SYNE2: variants seen among roughly 807,000 people sequenced by gnomAD.
SYNE2 encodes the protein spectrin repeat containing nuclear envelope protein 2, also known as nesprin-2.
A neutral mutation model predicts 856.3 loss-of-function variants in SYNE2; 431 were observed. The ratio of observed to expected loss-of-function variants is 0.50; its 90% confidence interval spans 0.47 to 0.55. SYNE2 has a LOEUF of 0.55. SYNE2 is among the 20% of genes least tolerant of loss of function. The pLI, the probability that SYNE2 is intolerant of heterozygous loss-of-function variation, is 0.00. For missense variants in SYNE2, 8,129 were observed against 8,023.2 expected (o/e 1.01, Z -0.50); for synonymous variants, 2,923 against 2,872.3 (o/e 1.02, Z -0.56).
At chr14:63,775,697 C>T (rs558058318) in intron 1 of SYNE2, among the ~76,000 whole-genome samples, 1 of 152,296 alleles carries the variant, frequency 6.6e-6, no homozygotes, top group African/African-American at 2.4e-5. Context: ...CCTCCCGCCT[C>T]AGCCTCCAAA....
At chr14:64,134,417 C>T (rs909731043) in intron 78 of SYNE2, among the ~76,000 whole-genome samples, 1 of 152,116 alleles carries the variant, frequency 6.6e-6, no homozygotes, top group Non-Finnish European at 1.5e-5. Context: ...TTGCTTGAGT[C>T]GTGGCTCCAT....
intron 111 of SYNE2, among the ~76,000 whole-genome samples, 199 bp from the exon 112 acceptor site, chr14:64,221,377 A>G: frequency 6.6e-6 from 1 of 152,192 alleles, no homozygotes. Flanking sequence ...GCCTCCTGGC[A>G]CTGTGCTGAG....
At position 63,986,339 on chromosome 14, in the gene SYNE2, A is replaced by T. The variant is rs1050602840; in HGVS notation, c.2152-117A>T. ...GGTCACAAACTCCTAGCCTCAAGCA[A>T]TCCTCCTGCCCTGGCCTCCTAAAGA... On this transcript the variant is annotated intron_variant, in intron 18 of 115. Transcript: ENST00000555002. 2.8e-6 allele frequency: 3 copies of T among 1,083,240 alleles called. No homozygotes were observed. In the African/African-American group the frequency reaches 4.7e-5, roughly 17 times the overall value. 67.1% of individuals were successfully genotyped at this position (1,083,240 alleles called of 1,614,324 possible).
chr14:64,110,588 A>AACC (rs2097797632), intron 65 of SYNE2, among the ~76,000 whole-genome samples: 11 of 75,388 alleles, frequency 1.5e-4, no homozygotes, highest in East Asian at 1.2e-3. Context: ...TACTTTTTAC[A>AACC]CCCCCCCCCC....
chr14:64,185,735 G>C (rs1274154943), intron 96 of SYNE2, among the ~76,000 whole-genome samples: 1 of 151,952 alleles, frequency 6.6e-6, no homozygotes, highest in Non-Finnish European at 1.5e-5. Context: ...TGGCCAGGCT[G>C]GTCTTGAACT....
At chr14:63,774,620 C>A (rs8022942) in intron 1 of SYNE2, among the ~76,000 whole-genome samples, 1 of 151,514 alleles carries the variant, frequency 6.6e-6, no homozygotes, top group Non-Finnish European at 1.5e-5. Flanking sequence ...CTGCAGCCCC[C>A]ATGTCCCAGG....
intron 84 of SYNE2, among the ~76,000 whole-genome samples, chr14:64,148,773 A>G (rs147277121): frequency 4.9e-4 from 75 of 152,262 alleles, no homozygotes; most frequent in Non-Finnish European, 7.5e-4. Flanking sequence ...CACCCCATGT[A>G]GCATCATGTG....
chr14:64,208,165 G>T (rs1276562814), intron 100 of SYNE2: 1 of 456,022 alleles, frequency 2.2e-6, no homozygotes, highest in Admixed American at 2.3e-5. Flanking sequence ...CACAGCTTTG[G>T]CTGGACTTTA....
At chr14:64,060,704 C>T (rs551535498) in intron 49 of SYNE2, among the ~76,000 whole-genome samples, 1 of 152,166 alleles carries the variant, frequency 6.6e-6, no homozygotes, top group African/African-American at 2.4e-5. Context: ...GATTGTAGCA[C>T]AGCACTAGGA....
At position 64,175,149 on chromosome 14, in the gene SYNE2, CACTT is replaced by C. The variant is rs997161564; in HGVS notation, c.17430+16_17430+19del. Reference sequence around the variant, plus strand: ...CAGAGCACTGTAGAGGTAAACTCACCACTTACTTTTCCATTCATGATATTCAAAT... The same window carrying C: ...CAGAGCACTGTAGAGGTAAACTCACCACTTTTCCATTCATGATATTCAAAT... On this transcript the variant is annotated intron_variant, in intron 95 of 115. Transcript: ENST00000555002. 3 of 1,613,578 alleles carry C rather than the reference CACTT, an allele frequency of 1.9e-6. No homozygotes were observed. The highest frequency in any genetic ancestry group is 2.5e-6 in the Non-Finnish European group (3 of 1,179,614).
At chr14:64,104,455 T>G (rs950717022) in intron 64 of SYNE2, among the ~76,000 whole-genome samples, 1 of 147,506 alleles carries the variant, frequency 6.8e-6, no homozygotes, top group African/African-American at 2.5e-5. Flanking sequence ...TCTTTTTTTT[T>G]TTTTTTTTTT....
intron 8 of SYNE2, among the ~76,000 whole-genome samples, chr14:63,955,631 C>G (rs1388352006): frequency 1.3e-5 from 2 of 152,076 alleles, no homozygotes; most frequent in East Asian, 1.9e-4. Flanking sequence ...AGTCTCAGCT[C>G]TATTACTGGG....
At chr14:63,784,091 G>C (rs1199796287) in intron 1 of SYNE2, among the ~76,000 whole-genome samples, 1 of 152,186 alleles carries the variant, frequency 6.6e-6, no homozygotes, top group African/African-American at 2.4e-5. Flanking sequence ...AAATAAATGT[G>C]TGTCATAGAG....
chr14:64,169,458 A>G (rs2098399734), intron 93 of SYNE2, among the ~76,000 whole-genome samples: 1 of 152,242 alleles, frequency 6.6e-6, no homozygotes, highest in African/African-American at 2.4e-5. Flanking sequence ...ATCAGGCTGA[A>G]CAGAGCACCT....
intron 1 of SYNE2, among the ~76,000 whole-genome samples, chr14:63,789,236 G>A (rs1483904328): frequency 2.0e-5 from 3 of 152,104 alleles, no homozygotes; most frequent in Non-Finnish European, 4.4e-5. Context: ...CAACTGAACA[G>A]GTTTGCTCTC....
chr14:64,067,976 A>G (rs1375978263), intron 51 of SYNE2, among the ~76,000 whole-genome samples: 4 of 151,952 alleles, frequency 2.6e-5, no homozygotes, highest in Non-Finnish European at 4.4e-5. Context: ...TTATGATGCA[A>G]CTATGGGTCC....
intron 1 of SYNE2, among the ~76,000 whole-genome samples, chr14:63,767,484 AT>A (rs746897848): frequency 3.3e-5 from 5 of 152,290 alleles, no homozygotes; most frequent in Non-Finnish European, 5.9e-5. Context: ...AATCATTTAA[AT>A]TAAGTTATTT....
intron 1 of SYNE2, among the ~76,000 whole-genome samples, chr14:63,829,938 C>T (rs895323386): frequency 6.6e-6 from 1 of 151,968 alleles, no homozygotes; most frequent in Non-Finnish European, 1.5e-5. Flanking sequence ...ATTTTAATAG[C>T]CCAAAGGTGT....
rs1187931508 is a variant in SYNE2, at chr14:64,089,697, G to T, written c.11793+1G>T. 6.4e-7 allele frequency: 1 copy of T among 1,560,868 alleles called. No individual in the cohort carries two copies. Among genetic ancestry groups the T allele is most frequent in the Non-Finnish European group, 8.8e-7 (1 of 1,133,646 alleles). On this transcript the variant is annotated splice_donor_variant, in intron 59 of 115. Transcript: ENST00000555002. LOFTEE classifies it high-confidence loss of function. ...TGAAGAACATCTCAAACATGGGGAG[G>T]TAAGCATAGATTATTATTTAAAGTA...
Sources: allele counts gnomAD v4.1 joint callset (sites outside exome capture counted in the v4.1 genomes callset), GRCh38; gene constraint gnomAD v4.1.1; transcripts MANE v1.5; gene names NCBI Gene and HGNC (gene_info 2026-07-23, HGNC 2026-07-21).